The following BRD9 variants were observed in gnomAD, a reference collection of about 807,000 sequenced individuals.
BRD9 encodes bromodomain containing 9.
BRD9 carries 47 observed loss-of-function variants against 68.7 expected under a neutral mutation model. The ratio of observed to expected loss-of-function variants is 0.68; its 90% CI spans 0.54 to 0.87. The LOEUF (loss-of-function observed/expected upper bound fraction) is 0.87, where lower values mean the gene tolerates loss of function less well. BRD9 is among the 40% of genes least tolerant of loss of function. BRD9 has a pLI of 0.00. For missense variants in BRD9, 670 were observed against 748.4 expected (o/e 0.90, Z 1.22); for synonymous variants, 313 against 293.9 (o/e 1.06, Z -0.67).
intron 5 of BRD9, chr5:888,540 T>C (rs1752895234): frequency 6.6e-6 from 1 of 152,446 alleles, no homozygotes; most frequent in East Asian, 1.9e-4. Flanking sequence ...TCCCCTGGGT[T>C]GCAAAACCAA....
At chr5:870,407 C>T (rs1749966366) in intron 14 of BRD9, 66 bp downstream of exon 14, 4 of 1,199,454 alleles carry the variant, frequency 3.3e-6, no homozygotes, top group Non-Finnish European at 5.0e-6. Flanking sequence ...GAGGTGGAGG[C>T]CGTGTGTTTT....
At chr5:886,980 G>A (rs145254736) in intron 6 of BRD9, 73 of 540,506 alleles carry the variant, frequency 1.4e-4, no homozygotes, top group Admixed American at 2.3e-4. Context: ...TACGTGGGAT[G>A]CATGCAGCCT....
chr5:871,610 C>T (rs1750136110), intron 12 of BRD9, 46 bp from the exon 13 acceptor site: 1 of 1,568,726 alleles, frequency 6.4e-7, no homozygotes, highest in Non-Finnish European at 8.8e-7. Context: ...AGAGTGATTT[C>T]ATAGAAACGG....
At position 887,479 on chromosome 5, in the gene BRD9, G is replaced by A. The variant is rs753686468; in HGVS notation, c.607-8C>T. 10 of 1,602,286 alleles carry A rather than the reference G, an allele frequency of 6.2e-6. No homozygotes were observed. The highest frequency in any genetic ancestry group is 1.7e-5 in the Admixed American group (1 of 59,934). ...CATCAGCTTGAAATCTGCCTGAAAA[G>A]AAAACAGGAAAGACTTATCAGGTTT... On this transcript the variant is annotated splice_region_variant and splice_polypyrimidine_tract_variant and intron_variant, in intron 5 of 15. Coordinates refer to ENST00000467963, the MANE Select transcript of BRD9 (RefSeq NM_023924.5).
Position 865,440 on chromosome 5 carries a change from G to A in BRD9, c.1667C>T (p.Ala556Val). ...PSSNLSSLSNASERDQHHLGS... is the reference protein window; with the variant it reads ...PSSNLSSLSNVSERDQHHLGS... ...CAGGTGGTGCTGGTCCCTCTCGGAG[G>A]CGTTGGACAGGGAGCTGAGGTTGGA... The change falls in exon 15 of 16, where the codon GCC becomes GTC. Residue 556 changes from alanine (A) to valine (V), a missense_variant. Coordinates refer to ENST00000467963, the MANE Select transcript of BRD9 (RefSeq NM_023924.5). 3 of 1,592,010 alleles carry A rather than the reference G, an allele frequency of 1.9e-6. No homozygotes were observed. The highest frequency in any genetic ancestry group is 1.7e-4 in the Middle Eastern group (1 of 5,928).
chr5:876,470 C>G (rs763626965), intron 11 of BRD9, among the ~76,000 whole-genome samples: 1 of 152,210 alleles, frequency 6.6e-6, no homozygotes, highest in Non-Finnish European at 1.5e-5. Flanking sequence ...TAGAAACACA[C>G]GTGTGCTATG....
chr5:886,085 G>A (rs775792770), intron 7 of BRD9, among the ~76,000 whole-genome samples: 24 of 152,098 alleles, frequency 1.6e-4, no homozygotes, highest in African/African-American at 2.2e-4. Flanking sequence ...TGCTTCCCCC[G>A]CAGCATCCAC....
intron 14 of BRD9, 131 bp from the exon 15 acceptor site, chr5:865,712 C>G: frequency 9.7e-7 from 1 of 1,032,918 alleles, no homozygotes; most frequent in Non-Finnish European, 1.4e-6. Flanking sequence ...ACTGAGTGGA[C>G]GAGCTCACAG....
intron 5 of BRD9, chr5:888,412 A>C (rs1392862334): frequency 6.6e-6 from 1 of 152,332 alleles, no homozygotes; most frequent in African/African-American, 2.4e-5. Context: ...CAAACCCTTC[A>C]GTAAGCATAA....
chr5:867,212 A>G (rs1430019416), intron 14 of BRD9, among the ~76,000 whole-genome samples: 1 of 152,238 alleles, frequency 6.6e-6, no homozygotes, highest in African/African-American at 2.4e-5. Flanking sequence ...GGTAGGCAGA[A>G]GGCAAGAGCT....
chr5:867,643 T>G (rs186997380), intron 14 of BRD9, among the ~76,000 whole-genome samples: 48 of 152,378 alleles, frequency 3.2e-4, no homozygotes, highest in African/African-American at 1.1e-3. Flanking sequence ...GGCCTCAAGA[T>G]GTAATGACTG....
intron 12 of BRD9, among the ~76,000 whole-genome samples, chr5:875,863 A>G (rs941901974): frequency 6.6e-6 from 1 of 152,240 alleles, no homozygotes; most frequent in Non-Finnish European, 1.5e-5. Flanking sequence ...AGTGACAGAG[A>G]TGAAAGATGA....
At chr5:883,887 A>G in intron 8 of BRD9, 51 bp downstream of exon 8, 2 of 1,587,576 alleles carry the variant, frequency 1.3e-6, no homozygotes, top group Non-Finnish European at 1.7e-6. Flanking sequence ...AGAGGCACAC[A>G]GAGAGTCTGG....
rs540192895 is a variant in BRD9, at chr5:865,490, C to T, written c.1617G>A (p.Ala539=). Residue 539 remains alanine, a synonymous_variant, in exon 15 of 16, where the codon GCG becomes GCA. Transcript: ENST00000467963. ...KLLQDLHEAQ[A]ERGGSRPSSN... ...ACGACGGCCGAGAGCCGCCGCGCTC[C>T]GCCTGTGCTTCGTGCAGGTCCTGCA... The T allele has an allele frequency of 1.7e-4, 269 of 1,606,428 alleles. 3 individuals carry two copies. The South Asian group carries it at 2.5e-3, about 15-fold the overall frequency.
At chr5:888,618 G>A (rs570428454) in intron 5 of BRD9, among the ~76,000 whole-genome samples, 2 of 152,324 alleles carry the variant, frequency 1.3e-5, no homozygotes, top group South Asian at 2.1e-4. Context: ...TCAGGAGACA[G>A]AAAAACTTAC....
At position 887,410 on chromosome 5, in the gene BRD9, T is replaced by C. The variant is rs766912064; in HGVS notation, c.668A>G (p.Tyr223Cys). The C allele has an allele frequency of 1.2e-6, 2 of 1,614,148 alleles. No individual in the cohort carries two copies. Among genetic ancestry groups the C allele is most frequent in the African/African-American group, 1.3e-5 (1 of 75,056 alleles). ...MTYNRPDTVY[Y>C]KLAKKILHAG... ...GTGAAGGATCTTCTTCGCCAACTTG[T>C]AGTACACGGTATCTGGCCTATTGTA... Residue 223 changes from tyrosine (Y) to cysteine (C), a missense_variant, in exon 6 of 16, where the codon TAC becomes TGC. Physicochemically the swap from Tyr to Cys is radical, Grantham distance 194. This residue lies in a region of BRD9 where 94 missense variants were observed against 157.2 expected (regional missense o/e 0.60). Transcript: ENST00000467963.
intron 8 of BRD9, chr5:883,416 T>C: frequency 2.2e-6 from 1 of 457,014 alleles, no homozygotes; most frequent in Non-Finnish European, 4.4e-6. Flanking sequence ...GCCTGTGCTC[T>C]GTTTCCACTG....
intron 14 of BRD9, among the ~76,000 whole-genome samples, chr5:870,055 T>C (rs1749912469): frequency 6.6e-6 from 1 of 152,208 alleles, no homozygotes; most frequent in Admixed American, 6.5e-5. Context: ...AGGGTACGGA[T>C]GGGCCCCAGG....
chr5:868,200 T>C (rs1051926715), intron 14 of BRD9, among the ~76,000 whole-genome samples: 9 of 152,226 alleles, frequency 5.9e-5, no homozygotes, highest in Non-Finnish European at 1.0e-4. Context: ...TCCGCCATGA[T>C]TGGAAGTTTC....
Sources: gnomAD v4.1 joint callset for allele counts (sites outside exome capture counted in the v4.1 genomes callset) on GRCh38, gnomAD v4.1.1 for gene constraint, gnomAD v4.1.1 regional missense constraint, MANE v1.5 for transcripts, NCBI Gene and HGNC (gene_info 2026-07-23, HGNC 2026-07-21) for gene names.